SRBD1: variants seen among roughly 807,000 people sequenced by gnomAD.
The protein encoded by SRBD1 is S1 RNA-binding domain-containing protein 1.
In SRBD1, 88 loss-of-function variants were observed where a neutral mutation model predicts 115.3. That is an observed-to-expected ratio of 0.76 (90% CI 0.64 to 0.91). The LOEUF is 0.91. Ranked by LOEUF, SRBD1 falls within the 40% of genes least tolerant of loss-of-function variation. SRBD1 has a pLI of 0.00. For synonymous variants in SRBD1, 509 were observed against 407.7 expected (o/e 1.25, Z -2.99); for missense variants, 1,385 against 1,177.4 (o/e 1.18, Z -2.58).
At chr2:45,448,756 A>G (rs1287314553) in intron 16 of SRBD1, among the ~76,000 whole-genome samples, 1 of 152,206 alleles carries the variant, frequency 6.6e-6, no homozygotes, top group Non-Finnish European at 1.5e-5. Flanking sequence ...AGAAAACAGG[A>G]TTCCTACATT....
chr2:45,564,443 G>T (rs1420882461), intron 9 of SRBD1, among the ~76,000 whole-genome samples: 1 of 152,118 alleles, frequency 6.6e-6, no homozygotes. Context: ...ATCTATATTG[G>T]AAAGGAAGAT....
intron 5 of SRBD1, among the ~76,000 whole-genome samples, chr2:45,584,922 G>A (rs1406920069): frequency 6.6e-6 from 1 of 152,154 alleles, no homozygotes; most frequent in Non-Finnish European, 1.5e-5. Flanking sequence ...AGGCCAAGGC[G>A]GGTGGATCAC....
chr2:45,534,916 T>C (rs576087754), intron 14 of SRBD1, among the ~76,000 whole-genome samples: 14 of 152,002 alleles, frequency 9.2e-5, no homozygotes, highest in African/African-American at 3.4e-4. Context: ...TCTGATAAAG[T>C]CACCCACAGA....
chr2:45,547,246 G>A (rs527839599), intron 13 of SRBD1, among the ~76,000 whole-genome samples: 1 of 152,238 alleles, frequency 6.6e-6, no homozygotes, highest in South Asian at 2.1e-4. Flanking sequence ...TGGAAAGAAG[G>A]CAGGGAGAGA....
At chr2:45,471,612 C>T (rs1345773432) in intron 16 of SRBD1, among the ~76,000 whole-genome samples, 1 of 152,076 alleles carries the variant, frequency 6.6e-6, no homozygotes, top group African/African-American at 2.4e-5. Context: ...GTAATTTAGA[C>T]TTCTACCAGC....
At chr2:45,391,119 G>T (rs1265121171) in intron 20 of SRBD1, among the ~76,000 whole-genome samples, 3 of 151,928 alleles carry the variant, frequency 2.0e-5, no homozygotes, top group Admixed American at 2.0e-4. Context: ...ATTCCCTAAG[G>T]GTTCCTGATC....
intron 14 of SRBD1, among the ~76,000 whole-genome samples, chr2:45,514,845 T>C (rs1334639646): frequency 6.6e-6 from 1 of 152,170 alleles, no homozygotes; most frequent in African/African-American, 2.4e-5. Flanking sequence ...ACAACTTCCT[T>C]ATACCTTACA....
intron 16 of SRBD1, among the ~76,000 whole-genome samples, chr2:45,441,138 G>A (rs992649580): frequency 6.6e-6 from 1 of 152,126 alleles, no homozygotes; most frequent in Non-Finnish European, 1.5e-5. Flanking sequence ...TTAGACCTGA[G>A]GCTGACACTG....
intron 9 of SRBD1, chr2:45,568,049 TTAC>T (rs1287962226): frequency 6.6e-6 from 1 of 152,166 alleles, no homozygotes; most frequent in Non-Finnish European, 1.5e-5. Flanking sequence ...TAAAGCGGAA[TTAC>T]TGCAGATGGT....
intron 4 of SRBD1, among the ~76,000 whole-genome samples, chr2:45,596,505 A>G (rs1160468813): frequency 6.6e-6 from 1 of 152,226 alleles, no homozygotes; most frequent in Non-Finnish European, 1.5e-5. Flanking sequence ...AAATTCTACA[A>G]ATACTTTGAG....
chr2:45,425,649 G>A (rs1668129481), intron 16 of SRBD1, among the ~76,000 whole-genome samples: 1 of 152,068 alleles, frequency 6.6e-6, no homozygotes, highest in Non-Finnish European at 1.5e-5. Flanking sequence ...TAGACAGTGG[G>A]TACAGCCCAC....
chr2:45,504,612 C>T lies in SRBD1; in HGVS notation c.1875-16281G>A, dbSNP rs184288841. ...AATAGTTTTTTAAGCCTTCCTTTTT[C>T]ACCAATTTCCTTCCTTAAACAGGTA... On this transcript the variant is annotated intron_variant, in intron 14 of 20. Coordinates refer to ENST00000263736, the MANE Select transcript of SRBD1 (RefSeq NM_018079.5). Among the ~76,000 whole-genome samples the T allele has an allele frequency of 1.8e-3, 267 of 152,254 alleles. 3 individuals carry two copies. The highest frequency in any genetic ancestry group is 3.4e-3 in the Middle Eastern group (1 of 294).
chr2:45,398,239 G>C (rs1667201086), intron 19 of SRBD1, among the ~76,000 whole-genome samples: 1 of 152,074 alleles, frequency 6.6e-6, no homozygotes, highest in Admixed American at 6.6e-5. Flanking sequence ...TGTTCTGAAA[G>C]CTCTTCCAGA....
chr2:45,449,167 A>G (rs1161002886), intron 16 of SRBD1, among the ~76,000 whole-genome samples: 1 of 152,208 alleles, frequency 6.6e-6, no homozygotes, highest in Non-Finnish European at 1.5e-5. Context: ...GTAACACTAT[A>G]AAAACATGTT....
intron 16 of SRBD1, among the ~76,000 whole-genome samples, chr2:45,437,877 A>G (rs981973130): frequency 3.3e-5 from 5 of 152,230 alleles, no homozygotes; most frequent in African/African-American, 1.2e-4. Context: ...ACAACAATAA[A>G]GGCACAATTC....
chr2:45,460,315 T>G lies in SRBD1; in HGVS notation c.2049+16678A>C, dbSNP rs145912538. On this transcript the variant is annotated intron_variant, in intron 16 of 20. Transcript: ENST00000263736. The stretch of plus-strand genomic sequence containing the variant: ...TTAAATTTGTCAACACATATCCGAC[T>G]AGGTTTCAAATCGTAAAAGAGGTTT... Among the ~76,000 whole-genome samples, 6 of 152,290 alleles carry G rather than the reference T, an allele frequency of 3.9e-5. 1 individual carries two copies. The East Asian group carries it at 1.2e-3, about 29-fold the overall frequency.
At chr2:45,414,484 T>TAC (rs138360643) in intron 18 of SRBD1, among the ~76,000 whole-genome samples, 18 of 147,866 alleles carry the variant, frequency 1.2e-4, no homozygotes, top group African/African-American at 3.9e-4. Context: ...AGTGTGTGTG[T>TAC]ACAGTGTGTA....
Position 45,414,717 on chromosome 2 carries a change from T to C in SRBD1, c.2334-1424A>G, listed in dbSNP as rs529524543. 7.5e-4 allele frequency among the ~76,000 whole-genome samples: 72 copies of C among 96,582 alleles called. 2 individuals are homozygous for C. The highest frequency in any genetic ancestry group is 2.0e-3 in the African/African-American group (57 of 28,736). 63.4% of individuals were successfully genotyped at this position (96,582 alleles called of 152,430 possible). ...ACACATAGTGTGTATATAGTATGTA[T>C]ATACACACACACAGTGTGTATATAG... is the stretch of plus-strand genomic sequence containing the variant. On this transcript the variant is annotated intron_variant, in intron 18 of 20. Coordinates refer to ENST00000263736, the MANE Select transcript of SRBD1 (RefSeq NM_018079.5).
At chr2:45,559,006 C>G (rs1309580219) in intron 10 of SRBD1, among the ~76,000 whole-genome samples, 1 of 152,052 alleles carries the variant, frequency 6.6e-6, no homozygotes, top group Non-Finnish European at 1.5e-5. Context: ...AGCCGCCACA[C>G]AAATTTCATG....
Sources: gnomAD v4.1 joint callset for allele counts (sites outside exome capture counted in the v4.1 genomes callset) on GRCh38, gnomAD v4.1.1 for gene constraint, MANE v1.5 for transcripts, NCBI Gene and HGNC (gene_info 2026-07-23, HGNC 2026-07-21) for gene names.